Variants in LCOR observed in about 807,000 individuals in gnomAD.
LCOR encodes the protein ligand dependent nuclear receptor corepressor, also known as ligand-dependent corepressor.
In LCOR, 14 loss-of-function variants were observed where a neutral mutation model predicts 64.4. That is an observed-to-expected ratio of 0.22 (90% CI 0.14 to 0.34). The LOEUF is 0.34. Ranked by LOEUF, LCOR falls within the 10% of genes least tolerant of loss-of-function variation. LCOR has a pLI of 1.00. For synonymous variants in LCOR, 643 were observed against 642.5 expected, an observed-to-expected ratio of 1.00 and a Z score of -0.01; for missense variants, 1,686 against 1,765.3, an observed-to-expected ratio of 0.96 and a Z score of 0.80.
At chr10:96,958,301 A>G (rs1847817610) in intron 7 of LCOR, 1 of 1,483,042 alleles carries the variant, frequency 6.7e-7, no homozygotes, top group Non-Finnish European at 9.0e-7. Context: ...GTTTAATCCT[A>G]TGTGGTAGTC....
intron 2 of LCOR, among the ~76,000 whole-genome samples, chr10:96,898,540 A>G (rs963117920): frequency 1.3e-5 from 2 of 152,204 alleles, no homozygotes; most frequent in African/African-American, 4.8e-5. Flanking sequence ...TTCTGGTGGT[A>G]GAGATGGTGG....
At chr10:96,849,966 A>G (rs908556168) in intron 2 of LCOR, among the ~76,000 whole-genome samples, 1 of 152,028 alleles carries the variant, frequency 6.6e-6, no homozygotes, top group Admixed American at 6.6e-5. Context: ...ACAAATAAGA[A>G]AAAGGGAAAG....
At chr10:96,879,807 C>T (rs1465644018) in intron 2 of LCOR, among the ~76,000 whole-genome samples, 5 of 152,090 alleles carry the variant, frequency 3.3e-5, no homozygotes, top group Admixed American at 3.3e-4. Flanking sequence ...GGATTACAGG[C>T]GTGCGCCACC....
chr10:96,978,294 T>C (rs188961705), intron 7 of LCOR, among the ~76,000 whole-genome samples: 3 of 152,346 alleles, frequency 2.0e-5, no homozygotes, highest in Admixed American at 2.0e-4. Flanking sequence ...TCTTGCCTGT[T>C]CCAAAGGAAG....
intron 4 of LCOR, among the ~76,000 whole-genome samples, chr10:96,923,861 A>G (rs936784218): frequency 6.6e-6 from 1 of 152,214 alleles, no homozygotes; most frequent in African/African-American, 2.4e-5. Context: ...GGCTGTTTTT[A>G]TAATACCCAC....
chr10:96,935,693 GTGT>G (rs1847338943), intron 4 of LCOR, among the ~76,000 whole-genome samples: 1 of 152,170 alleles, frequency 6.6e-6, no homozygotes, highest in African/African-American at 2.4e-5. Flanking sequence ...AATTAGCCTG[GTGT>G]GGTGGCACAC....
chr10:96,956,462 T>G (rs1847785803), intron 7 of LCOR: 5 of 984,750 alleles, frequency 5.1e-6, no homozygotes, highest in African/African-American at 1.7e-5. Context: ...CCTTTGACTT[T>G]GAGAAATTTG....
chr10:96,864,558 A>G (rs1013321538), intron 2 of LCOR, among the ~76,000 whole-genome samples: 1 of 152,266 alleles, frequency 6.6e-6, no homozygotes. Context: ...AAACAGGGAC[A>G]TCAGTTACAC....
chr10:96,908,882 A>AT (rs1231171939), intron 4 of LCOR, among the ~76,000 whole-genome samples: 1 of 151,516 alleles, frequency 6.6e-6, no homozygotes, highest in African/African-American at 2.4e-5. Context: ...CGCCCGGCTA[A>AT]TTTTTTGTAT....
At chr10:96,927,210 T>A (rs1281715340) in intron 4 of LCOR, among the ~76,000 whole-genome samples, 1 of 152,122 alleles carries the variant, frequency 6.6e-6, no homozygotes, top group Non-Finnish European at 1.5e-5. Context: ...GCCATTCTAG[T>A]GGGTGTGTGT....
chr10:96,938,970 A>C (rs545980848), intron 4 of LCOR, among the ~76,000 whole-genome samples: 14 of 152,348 alleles, frequency 9.2e-5, no homozygotes, highest in African/African-American at 3.4e-4. Context: ...TTTTCTACCA[A>C]AATCCCAACT....
chr10:96,952,340 A>T, intron 7 of LCOR, 144 bp downstream of exon 7: 1 of 590,216 alleles, frequency 1.7e-6, no homozygotes, highest in Non-Finnish European at 3.0e-6. Flanking sequence ...ATAAAAATAT[A>T]ATCTGTGCAA....
chr10:96,914,180 A>C (rs538078790), intron 4 of LCOR, among the ~76,000 whole-genome samples: 14 of 152,102 alleles, frequency 9.2e-5, no homozygotes, highest in Non-Finnish European at 1.6e-4. Context: ...TATCCCTTTA[A>C]CATTTTAGTT....
chr10:96,957,023 T>C, intron 7 of LCOR: 1 of 985,276 alleles, frequency 1.0e-6, no homozygotes, highest in Non-Finnish European at 1.2e-6. Context: ...TCCATGTTTG[T>C]AGTGAGAGAA....
intron 2 of LCOR, among the ~76,000 whole-genome samples, chr10:96,898,834 G>A (rs937183338): frequency 2.8e-4 from 43 of 152,126 alleles, no homozygotes; most frequent in African/African-American, 1.0e-3. Flanking sequence ...CCAAATAAGG[G>A]TGCAGTTAAT....
intron 4 of LCOR, among the ~76,000 whole-genome samples, chr10:96,929,816 G>C (rs1163024072): frequency 2.0e-5 from 3 of 152,146 alleles, no homozygotes; most frequent in Non-Finnish European, 4.4e-5. Flanking sequence ...TTGAACACTA[G>C]AGGTCATTGT....
chr10:96,967,040 T>A (rs1011624483), intron 7 of LCOR, among the ~76,000 whole-genome samples: 2 of 152,258 alleles, frequency 1.3e-5, no homozygotes, highest in East Asian at 3.8e-4. Flanking sequence ...CCTGGCCGAC[T>A]GTAGAGGTTT....
chr10:96,941,192 A>ACCC (rs1156526327), intron 4 of LCOR, among the ~76,000 whole-genome samples: 1 of 81,620 alleles, frequency 1.2e-5, no homozygotes, highest in Admixed American at 1.2e-4. Context: ...CGGGGGGCTG[A>ACCC]CCCCCCCACC....
chr10:96,862,728 C>T (rs191340130), intron 2 of LCOR, among the ~76,000 whole-genome samples: 279 of 152,306 alleles, frequency 1.8e-3, no homozygotes, highest in Non-Finnish European at 3.0e-3. Flanking sequence ...CTAGGAATTG[C>T]CAGCCCCCGT....
Sources: allele counts gnomAD v4.1 joint callset (sites outside exome capture counted in the v4.1 genomes callset), GRCh38; gene constraint gnomAD v4.1.1; transcripts MANE v1.5; gene names NCBI Gene and HGNC (gene_info 2026-07-23, HGNC 2026-07-21).